TBC1D8: variants seen among roughly 807,000 people sequenced by gnomAD.
TBC1D8 encodes TBC1 domain family member 8, also known as BUB2-like protein 1.
A neutral mutation model predicts 118.8 loss-of-function variants in TBC1D8; 65 were observed. The observed-to-expected ratio is 0.55, with a 90% CI of 0.45 to 0.67. The LOEUF is 0.67. TBC1D8 is among the 30% of genes least tolerant of loss of function. TBC1D8 has a pLI of 0.00. For synonymous variants in TBC1D8, 566 were observed against 595.8 expected (o/e 0.95, Z 0.73); for missense variants, 1,376 against 1,471.2 (o/e 0.94, Z 1.06).
At chr2:101,075,757 A>C (rs959295817) in intron 2 of TBC1D8, among the ~76,000 whole-genome samples, 5 of 152,168 alleles carry the variant, frequency 3.3e-5, no homozygotes, top group Admixed American at 3.3e-4. Context: ...TAAATTGTCC[A>C]GTCTCAGGCA....
chr2:101,151,143 C>T lies in TBC1D8; in HGVS notation c.111G>A (p.Gly37=), dbSNP rs756101710. Reference sequence around the variant, plus strand: ...GCCCCTTACCGGTGAGGCGGCCGCCCCCCTCGCCGTGCCCGCGGCGCCGCT... The same window carrying T: ...GCCCCTTACCGGTGAGGCGGCCGCCTCCCTCGCCGTGCCCGCGGCGCCGCT... ...ILQRRRGHGE[G]GGRLTGRLVG... The change falls in exon 1 of 20, where the codon GGG becomes GGA. Residue 37 remains glycine (G), a synonymous_variant. Coordinates refer to ENST00000409318, the MANE Select transcript of TBC1D8 (RefSeq NM_001330348.2). The T allele has an allele frequency of 8.4e-6, 10 of 1,188,808 alleles. No homozygotes were observed. The highest frequency in any genetic ancestry group is 1.1e-5 in the Non-Finnish European group (10 of 936,716). The allele number at this position is 1,188,808 out of a possible 1,614,324, so 73.6% of individuals were successfully genotyped here. A position where few individuals can be genotyped will look rare whatever the true frequency, so the allele number is the denominator to read the frequency against.
intron 2 of TBC1D8, among the ~76,000 whole-genome samples, chr2:101,070,147 C>T (rs1365082015): frequency 6.6e-6 from 1 of 151,966 alleles, no homozygotes; most frequent in Non-Finnish European, 1.5e-5. Flanking sequence ...GAACTCCTGA[C>T]CTCAGGTGAT....
chr2:101,122,737 A>T (rs566234726), intron 1 of TBC1D8, among the ~76,000 whole-genome samples: 1 of 152,162 alleles, frequency 6.6e-6, no homozygotes, highest in Non-Finnish European at 1.5e-5. Context: ...CAATTAAAGG[A>T]TTTAAAATAA....
intron 1 of TBC1D8, among the ~76,000 whole-genome samples, chr2:101,114,731 A>G (rs927603594): frequency 6.6e-6 from 1 of 152,270 alleles, no homozygotes; most frequent in South Asian, 2.1e-4. Flanking sequence ...AGAAGCACAC[A>G]GTGCAGACAT....
intron 15 of TBC1D8, among the ~76,000 whole-genome samples, chr2:101,027,132 C>T (rs747437227): frequency 1.3e-5 from 2 of 152,210 alleles, no homozygotes; most frequent in South Asian, 2.1e-4. Flanking sequence ...AGCTTCAGCG[C>T]GAGGCCAGGC....
At chr2:101,014,219 TTATATTC>T (rs2105365157) in intron 17 of TBC1D8, among the ~76,000 whole-genome samples, 1 of 152,254 alleles carries the variant, frequency 6.6e-6, no homozygotes, top group Admixed American at 6.5e-5. Context: ...TCAAGGAAGT[TTATATTC>T]TATGTTTCCA....
chr2:101,096,441 A>AAT (rs1247413103), intron 1 of TBC1D8, among the ~76,000 whole-genome samples: 1 of 150,056 alleles, frequency 6.7e-6, no homozygotes, highest in Non-Finnish European at 1.5e-5. Context: ...AAAAAAAAAA[A>AAT]AAAAAACTAT....
chr2:101,107,681 C>A (rs534193665), intron 1 of TBC1D8, among the ~76,000 whole-genome samples: 1 of 152,204 alleles, frequency 6.6e-6, no homozygotes, highest in South Asian at 2.1e-4. Context: ...ATGAAAGGAA[C>A]CAGGGCTCCT....
intron 2 of TBC1D8, among the ~76,000 whole-genome samples, chr2:101,063,019 C>T (rs971498041): frequency 6.6e-6 from 1 of 152,162 alleles, no homozygotes; most frequent in Non-Finnish European, 1.5e-5. Context: ...AAAAAAGATA[C>T]TTTGTGCTTC....
intron 1 of TBC1D8, among the ~76,000 whole-genome samples, chr2:101,093,701 C>G (rs1459360842): frequency 6.6e-6 from 1 of 151,708 alleles, no homozygotes; most frequent in African/African-American, 2.4e-5. Context: ...GGCAACAGAG[C>G]AAGACTCCAT....
intron 2 of TBC1D8, among the ~76,000 whole-genome samples, chr2:101,068,009 G>A (rs1212668209): frequency 2.0e-5 from 3 of 152,188 alleles, no homozygotes; most frequent in East Asian, 1.9e-4. Context: ...TTGCTCATCA[G>A]TAAGAAGCAA....
At chr2:101,047,956 C>A (rs1395042043) in intron 5 of TBC1D8, among the ~76,000 whole-genome samples, 1 of 152,214 alleles carries the variant, frequency 6.6e-6, no homozygotes. Flanking sequence ...CCAAAAAACA[C>A]CACATCTGGA....
intron 7 of TBC1D8, among the ~76,000 whole-genome samples, chr2:101,038,149 G>C (rs1681145320): frequency 6.6e-6 from 1 of 152,178 alleles, no homozygotes; most frequent in South Asian, 2.1e-4. Flanking sequence ...CTCTGCAGCT[G>C]CCCAACCTCA....
At chr2:101,072,726 G>C (rs1193801943) in intron 2 of TBC1D8, among the ~76,000 whole-genome samples, 1 of 152,146 alleles carries the variant, frequency 6.6e-6, no homozygotes, top group East Asian at 1.9e-4. Flanking sequence ...AGGAGGCCAA[G>C]CTCAGGCAGT....
At chr2:101,113,021 C>T (rs1558714673) in intron 1 of TBC1D8, among the ~76,000 whole-genome samples, 1 of 152,126 alleles carries the variant, frequency 6.6e-6, no homozygotes, top group African/African-American at 2.4e-5. Context: ...CAAGACTTCC[C>T]ATCTGAGTCT....
intron 1 of TBC1D8, among the ~76,000 whole-genome samples, chr2:101,148,513 G>A (rs1679411755): frequency 6.6e-6 from 1 of 152,140 alleles, no homozygotes; most frequent in Non-Finnish European, 1.5e-5. Flanking sequence ...GTGAAGAGAG[G>A]GAGAGAAAAA....
chr2:101,080,120 T>C (rs1238828075), intron 2 of TBC1D8, among the ~76,000 whole-genome samples: 1 of 152,110 alleles, frequency 6.6e-6, no homozygotes, highest in Non-Finnish European at 1.5e-5. Flanking sequence ...AAGAATGCCT[T>C]GGATGAGTGT....
At chr2:101,072,613 G>A (rs1674525808) in intron 2 of TBC1D8, among the ~76,000 whole-genome samples, 1 of 152,140 alleles carries the variant, frequency 6.6e-6, no homozygotes. Context: ...ATCAGGCATT[G>A]GTTAGATTCC....
At chr2:101,036,967 T>G (rs1031568725) in intron 8 of TBC1D8, among the ~76,000 whole-genome samples, 1 of 152,192 alleles carries the variant, frequency 6.6e-6, no homozygotes, top group Non-Finnish European at 1.5e-5. Flanking sequence ...AAGCTCGGGT[T>G]AACAGGTTCA....
Sources: allele counts gnomAD v4.1 joint callset (sites outside exome capture counted in the v4.1 genomes callset), GRCh38; gene constraint gnomAD v4.1.1; transcripts MANE v1.5; gene names NCBI Gene and HGNC (gene_info 2026-07-23, HGNC 2026-07-21).